Variants in ZFAND3 observed in about 807,000 individuals in gnomAD.
ZFAND3 encodes AN1-type zinc finger protein 3.
A neutral mutation model predicts 29.6 loss-of-function variants in ZFAND3; 10 were observed. The observed-to-expected ratio is 0.34, with a 90% CI of 0.21 to 0.57. The LOEUF (loss-of-function observed/expected upper bound fraction) is 0.57. ZFAND3 is among the 20% of genes least tolerant of loss of function. The pLI is 0.86. For missense variants in ZFAND3, 230 were observed against 304.5 expected (o/e 0.76, Z 1.82); for synonymous variants, 128 against 112.6 (o/e 1.14, Z -0.87).
rs149146356 is a variant in ZFAND3 at position 37,929,430 on chromosome 6, G to T, written c.72-529G>T. Among the ~76,000 whole-genome samples, 5 of 152,260 alleles carry T rather than the reference G, an allele frequency of 3.3e-5. 1 individual carries two copies. Among genetic ancestry groups the T allele is most frequent in the African/African-American group, 4.8e-5 (2 of 41,562 alleles). ...AATTTGATTGGCGTATCTGAAGAAA[G>T]AATTTTAAACAAGAAGGTCATAATG... On this transcript the variant is annotated intron_variant, in intron 1 of 5. Transcript: ENST00000287218.
In ZFAND3 at chr6:38,116,750, C is replaced by T. The variant is rs1222111981; in HGVS notation, c.529+11C>T. The T allele has an allele frequency of 4.3e-6, 7 of 1,612,268 alleles. No homozygotes were observed. In the South Asian group the frequency reaches 4.4e-5, roughly 10 times the overall value. ...GATCGTGTCGCTGCGGTAAGCATCTCCCCCAGTGGCGTGATGGAGACTATA... is the reference window on the plus strand; with the variant it reads ...GATCGTGTCGCTGCGGTAAGCATCTTCCCCAGTGGCGTGATGGAGACTATA... On this transcript the variant is annotated intron_variant, in intron 5 of 5. Transcript: ENST00000287218.
intron 5 of ZFAND3, among the ~76,000 whole-genome samples, chr6:38,133,074 C>G (rs927381943): frequency 1.3e-5 from 2 of 152,166 alleles, no homozygotes; most frequent in Non-Finnish European, 1.5e-5. Flanking sequence ...TCAGTGAGGC[C>G]CTCACAAAAC....
chr6:38,021,859 C>G (rs1008641971), intron 2 of ZFAND3, among the ~76,000 whole-genome samples: 1 of 152,082 alleles, frequency 6.6e-6, no homozygotes, highest in South Asian at 2.1e-4. Flanking sequence ...GAGAGTGGCA[C>G]CAGCACCACT....
chr6:37,870,600 G>GAAAAA (rs35350059), intron 1 of ZFAND3, among the ~76,000 whole-genome samples: 3 of 112,106 alleles, frequency 2.7e-5, no homozygotes, highest in African/African-American at 3.5e-5. Context: ...CTCTGTCTCA[G>GAAAAA]AAAAAAAAAA....
Position 38,040,903 on chromosome 6 carries a change from T to C in ZFAND3, c.113-20690T>C, listed in dbSNP as rs577781448. 7.2e-5 allele frequency among the ~76,000 whole-genome samples: 11 copies of C among 152,336 alleles called. No homozygotes were observed. The East Asian group carries it at 2.1e-3, about 29-fold the overall frequency. On this transcript the variant is annotated intron_variant, in intron 2 of 5. Coordinates refer to ENST00000287218, the MANE Select transcript of ZFAND3 (RefSeq NM_021943.3). ...ATCTGATCCACAGTCTATATTCAAA[T>C]TTCATCACTTGTCTCAGTAATATCC...
intron 3 of ZFAND3, among the ~76,000 whole-genome samples, chr6:38,068,700 T>C (rs191888829): frequency 2.0e-5 from 3 of 152,328 alleles, no homozygotes; most frequent in Non-Finnish European, 4.4e-5. Flanking sequence ...ACCCAAGACA[T>C]ACTTTTGTTG....
intron 1 of ZFAND3, among the ~76,000 whole-genome samples, chr6:37,838,303 T>C (rs1042880227): frequency 6.6e-6 from 1 of 152,222 alleles, no homozygotes; most frequent in Non-Finnish European, 1.5e-5. Flanking sequence ...ATTTAAAAAA[T>C]ATTGAGATAT....
At chr6:38,065,090 G>A (rs1422465923) in intron 3 of ZFAND3, among the ~76,000 whole-genome samples, 3 of 152,092 alleles carry the variant, frequency 2.0e-5, no homozygotes, top group Admixed American at 1.3e-4. Flanking sequence ...AGGCCGATGC[G>A]AGCAGATCAC....
At chr6:37,890,271 G>A (rs1050264344) in intron 1 of ZFAND3, among the ~76,000 whole-genome samples, 4 of 152,042 alleles carry the variant, frequency 2.6e-5, no homozygotes, top group African/African-American at 9.7e-5. Context: ...TAAGTAAATA[G>A]CACTTCAGTT....
At chr6:38,006,666 T>G (rs1677965088) in intron 2 of ZFAND3, among the ~76,000 whole-genome samples, 1 of 150,964 alleles carries the variant, frequency 6.6e-6, no homozygotes, top group Admixed American at 6.6e-5. Context: ...TTTTTTTTTT[T>G]TTTTTTTTTT....
intron 2 of ZFAND3, among the ~76,000 whole-genome samples, chr6:37,968,965 A>G (rs541198811): frequency 2.0e-5 from 3 of 152,332 alleles, no homozygotes; most frequent in East Asian, 1.9e-4. Flanking sequence ...CAATGAGGAT[A>G]TGTTCTGAGT....
chr6:37,881,167 G>A (rs1764888892), intron 1 of ZFAND3, among the ~76,000 whole-genome samples: 1 of 152,126 alleles, frequency 6.6e-6, no homozygotes, highest in African/African-American at 2.4e-5. Context: ...CACCTCCCGG[G>A]TTCAAGAGAT....
chr6:38,129,241 T>C (rs908559810), intron 5 of ZFAND3, among the ~76,000 whole-genome samples: 1 of 152,232 alleles, frequency 6.6e-6, no homozygotes, highest in Admixed American at 6.5e-5. Flanking sequence ...GTCAGATGTA[T>C]AGATTGTAAA....
At chr6:38,142,158 C>T (rs998386048) in intron 5 of ZFAND3, 8 of 470,382 alleles carry the variant, frequency 1.7e-5, no homozygotes, top group Non-Finnish European at 3.1e-5. Context: ...TTACAGGTCT[C>T]TCCCTACCCC....
At chr6:38,119,444 T>C (rs1021998912) in intron 5 of ZFAND3, among the ~76,000 whole-genome samples, 1 of 152,212 alleles carries the variant, frequency 6.6e-6, no homozygotes, top group Non-Finnish European at 1.5e-5. Flanking sequence ...ATTCGCAATC[T>C]TTTCTTCCAT....
rs778549983 is a variant in ZFAND3 at position 37,897,109 on chromosome 6, C to T, written c.72-32850C>T. Among the ~76,000 whole-genome samples the T allele has an allele frequency of 3.2e-4, 48 of 152,120 alleles. 1 individual carries two copies. Among genetic ancestry groups the T allele is most frequent in the Non-Finnish European group, 5.6e-4 (38 of 68,024 alleles). On this transcript the variant is annotated intron_variant, in intron 1 of 5. Transcript: ENST00000287218. ...AATTTTCATACATGTATATTTCTAT[C>T]TATATATGTCTATATTTGTGTAATC...
chr6:38,052,651 G>C (rs993983584), intron 2 of ZFAND3, among the ~76,000 whole-genome samples: 7 of 152,122 alleles, frequency 4.6e-5, no homozygotes, highest in Admixed American at 1.3e-4. Context: ...CCCTTAGGAA[G>C]TAGTGCTTAT....
intron 2 of ZFAND3, among the ~76,000 whole-genome samples, chr6:37,965,237 A>C (rs1402226176): frequency 6.6e-6 from 1 of 152,150 alleles, no homozygotes; most frequent in Non-Finnish European, 1.5e-5. Context: ...TAATTTCTCT[A>C]CTTACTTTGT....
chr6:37,832,552 G>T (rs991961803), intron 1 of ZFAND3, among the ~76,000 whole-genome samples: 1 of 152,214 alleles, frequency 6.6e-6, no homozygotes, highest in African/African-American at 2.4e-5. Context: ...TGTACTAGAA[G>T]ATGGTAATGG....
Sources: gnomAD v4.1 joint callset for allele counts (sites outside exome capture counted in the v4.1 genomes callset) on GRCh38, gnomAD v4.1.1 for gene constraint, MANE v1.5 for transcripts, NCBI Gene and HGNC (gene_info 2026-07-23, HGNC 2026-07-21) for gene names.